The following FRMPD4 variants were observed in gnomAD, a reference collection of about 807,000 sequenced individuals.
FRMPD4 encodes the protein FERM and PDZ domain-containing protein 4.
In FRMPD4, 22 loss-of-function variants were observed where a neutral mutation model predicts 94.1. The ratio of observed to expected loss-of-function variants is 0.23; its 90% CI spans 0.17 to 0.33. The LOEUF (loss-of-function observed/expected upper bound fraction) is 0.33. Among genes scored for constraint, FRMPD4 ranks in the 10% least tolerant of loss-of-function variants. The pLI is 1.00. For missense variants in FRMPD4, 1,111 were observed against 1,339.9 expected, an observed-to-expected ratio of 0.83 and a Z score of 2.67; for synonymous variants, 631 against 548.6, an observed-to-expected ratio of 1.15 and a Z score of -2.10.
intron 1 of FRMPD4, among the ~76,000 whole-genome samples, chrX:12,330,546 A>G (rs1343216038): frequency 1.8e-5 from 2 of 111,498 alleles, no homozygotes; most frequent in Admixed American, 9.6e-5. Flanking sequence ...GCATCAGAGA[A>G]TAATTCTTTT....
intron 1 of FRMPD4, among the ~76,000 whole-genome samples, chrX:12,159,291 A>C: frequency 8.9e-6 from 1 of 112,183 alleles, no homozygotes; most frequent in African/African-American, 3.2e-5. Context: ...ACTTCTGCTC[A>C]CATCCCTTAG....
At chrX:12,051,169 A>T (rs2054815776) in intron 3 of FRMPD4, among the ~76,000 whole-genome samples, 1 of 112,276 alleles carries the variant, frequency 8.9e-6, no homozygotes, top group South Asian at 3.7e-4. Context: ...AAAGGTGTTC[A>T]TGGGAATGAT....
chrX:12,359,052 C>T (rs2147987990), intron 1 of FRMPD4, among the ~76,000 whole-genome samples: 1 of 111,876 alleles, frequency 8.9e-6, no homozygotes, highest in South Asian at 3.8e-4. Flanking sequence ...ATCATCAATG[C>T]TAGATGGAGA....
intron 3 of FRMPD4, among the ~76,000 whole-genome samples, chrX:12,014,832 A>G (rs1053264623): frequency 2.0e-4 from 22 of 111,488 alleles, no homozygotes; most frequent in African/African-American, 6.9e-4. Context: ...CGATAACTGC[A>G]TAAGTACCGT....
rs200625685 is a variant in FRMPD4 at position 12,312,239 on chromosome X, C to CTTTTT, written c.41+173253_41+173257dup. 2.3e-3 allele frequency among the ~76,000 whole-genome samples: 143 copies of CTTTTT among 61,493 alleles called. 27 individuals are homozygous for CTTTTT. Among genetic ancestry groups the CTTTTT allele is most frequent in the Non-Finnish European group, 3.1e-3 (104 of 33,358 alleles). The allele number at this position is 61,493 out of a possible 115,157, so 53.4% of individuals were successfully genotyped here. A position where few individuals can be genotyped will look rare whatever the true frequency, so the allele number is the denominator to read the frequency against. On this transcript the variant is annotated intron_variant, in intron 1 of 16. Coordinates refer to ENST00000675598, the MANE Select transcript of FRMPD4 (RefSeq NM_001368397.1). ...CTTCCTTTTCAACTCTGCTCCATTA[C>CTTTTT]TTTTTTTTTTTTTTTTTTTTTTTTT...
At chrX:11,919,008 C>T (rs1005571565) in intron 3 of FRMPD4, among the ~76,000 whole-genome samples, 44 of 112,500 alleles carry the variant, frequency 3.9e-4, no homozygotes, top group African/African-American at 1.4e-3. Flanking sequence ...GTCTTTTTTT[C>T]TCTTTCTCCT....
intron 3 of FRMPD4, among the ~76,000 whole-genome samples, chrX:12,075,249 A>G (rs1238543995): frequency 2.7e-5 from 3 of 110,381 alleles, no homozygotes; most frequent in Non-Finnish European, 5.7e-5. Context: ...TATGTAAACT[A>G]TGGGCTCTGT....
intron 1 of FRMPD4, among the ~76,000 whole-genome samples, chrX:12,140,270 G>A (rs1456723018): frequency 8.9e-6 from 1 of 112,194 alleles, no homozygotes; most frequent in East Asian, 2.8e-4. Flanking sequence ...TAAGTAGACT[G>A]GAGATACGCA....
At chrX:11,911,321 CTG>C (rs367958931) in intron 3 of FRMPD4, among the ~76,000 whole-genome samples, 1 of 112,226 alleles carries the variant, frequency 8.9e-6, no homozygotes, top group African/African-American at 3.2e-5. Context: ...TGTTTGGTAA[CTG>C]AGAGAGGTGA....
At chrX:12,627,327 G>A (rs965296414) in intron 4 of FRMPD4, among the ~76,000 whole-genome samples, 3 of 111,796 alleles carry the variant, frequency 2.7e-5, no homozygotes, top group Non-Finnish European at 5.6e-5. Flanking sequence ...CCAAGTATCT[G>A]ACACATAAAA....
intron 11 of FRMPD4, among the ~76,000 whole-genome samples, chrX:12,705,580 A>G (rs534342053): frequency 9.0e-6 from 1 of 111,155 alleles, no homozygotes; most frequent in Non-Finnish European, 1.9e-5. Flanking sequence ...AGCCACCTTT[A>G]ACTCACTTCC....
intron 3 of FRMPD4, among the ~76,000 whole-genome samples, chrX:12,033,349 G>A (rs746704273): frequency 9.0e-6 from 1 of 111,723 alleles, no homozygotes; most frequent in South Asian, 3.8e-4. Context: ...GAAAGAACTA[G>A]AGGCAGAAGA....
intron 4 of FRMPD4, among the ~76,000 whole-genome samples, chrX:12,657,021 G>A (rs2059663970): frequency 1.8e-5 from 2 of 110,097 alleles, no homozygotes; most frequent in Non-Finnish European, 1.9e-5. Context: ...GGGAGGCGGA[G>A]GTTGTGGTGA....
intron 1 of FRMPD4, among the ~76,000 whole-genome samples, chrX:12,447,781 C>T (rs1430841091): frequency 8.9e-6 from 1 of 112,200 alleles, no homozygotes; most frequent in Non-Finnish European, 1.9e-5. Flanking sequence ...CATGGGGCCA[C>T]TGCAGTTATT....
chrX:12,130,833 G>A (rs756259884), intron 3 of FRMPD4, among the ~76,000 whole-genome samples: 1 of 111,636 alleles, frequency 9.0e-6, no homozygotes, highest in South Asian at 3.7e-4. Flanking sequence ...AGTGATTCGG[G>A]ATCTGAGAGG....
chrX:12,701,067 C>CTTTTTTTTTT (rs34465193), intron 9 of FRMPD4, among the ~76,000 whole-genome samples: 2 of 56,586 alleles, frequency 3.5e-5, no homozygotes, highest in Non-Finnish European at 6.2e-5. Context: ...GTTTTGGCTT[C>CTTTTTTTTTT]TTTTTTTTTT....
intron 3 of FRMPD4, among the ~76,000 whole-genome samples, chrX:11,935,270 T>TG: frequency 2.8e-4 from 1 of 3,593 alleles, no homozygotes; most frequent in Non-Finnish European, 4.6e-4. Flanking sequence ...TTTTAATGTG[T>TG]TTTTTTTTTT....
intron 3 of FRMPD4, among the ~76,000 whole-genome samples, chrX:12,030,938 G>A (rs1248525137): frequency 2.7e-5 from 3 of 111,802 alleles, no homozygotes; most frequent in African/African-American, 9.8e-5. Flanking sequence ...GTTTGGGTGA[G>A]GATGATTGAT....
chrX:12,427,685 T>C (rs2056961041), intron 1 of FRMPD4, among the ~76,000 whole-genome samples: 1 of 111,061 alleles, frequency 9.0e-6, no homozygotes, highest in African/African-American at 3.3e-5. Context: ...AAAGGGCTTA[T>C]GACCTCAAAC....
Sources: allele counts gnomAD v4.1 joint callset (sites outside exome capture counted in the v4.1 genomes callset), GRCh38; gene constraint gnomAD v4.1.1; transcripts MANE v1.5; gene names NCBI Gene and HGNC (gene_info 2026-07-23, HGNC 2026-07-21).